The following TFEC variants were observed in gnomAD, a reference collection of about 807,000 sequenced individuals.
TFEC encodes the protein class E basic helix-loop-helix protein 34.
TFEC carries 31 observed loss-of-function variants against 41.6 expected under a neutral mutation model. The ratio of observed to expected loss-of-function variants is 0.74; its 90% confidence interval spans 0.56 to 1.01. TFEC has a LOEUF of 1.01. Among genes scored for constraint, TFEC ranks in the 50% least tolerant of loss-of-function variants. The pLI is 0.00. For synonymous variants in TFEC, 143 were observed against 140.6 expected, an observed-to-expected ratio of 1.02 and a Z score of -0.12; for missense variants, 402 against 404.1, an observed-to-expected ratio of 0.99 and a Z score of 0.04.
intron 1 of TFEC, among the ~76,000 whole-genome samples, chr7:116,027,851 T>A (rs1795644198): frequency 1.3e-5 from 2 of 152,200 alleles, no homozygotes; most frequent in African/African-American, 4.8e-5. Context: ...AAACTCCACC[T>A]CTACGTCCTA....
intron 3 of TFEC, among the ~76,000 whole-genome samples, chr7:116,041,615 T>C (rs1233753740): frequency 1.3e-5 from 2 of 152,186 alleles, no homozygotes; most frequent in Non-Finnish European, 2.9e-5. Context: ...CTGTGGCAAG[T>C]AATGGTGTGC....
chr7:115,985,034 A>AT (rs1337989327), intron 1 of TFEC, among the ~76,000 whole-genome samples: 11 of 152,048 alleles, frequency 7.2e-5, no homozygotes, highest in Middle Eastern at 3.4e-3. Context: ...AATCTAGATG[A>AT]TTTTTTTCTA....
chr7:116,070,904 A>G (rs1192655101), intron 3 of TFEC, among the ~76,000 whole-genome samples: 1 of 151,438 alleles, frequency 6.6e-6, no homozygotes, highest in Non-Finnish European at 1.5e-5. Context: ...ACAGAAAGAA[A>G]AATAAGGACC....
intron 1 of TFEC, among the ~76,000 whole-genome samples, chr7:116,149,149 T>G (rs1798706887): frequency 6.6e-6 from 1 of 151,928 alleles, no homozygotes; most frequent in Non-Finnish European, 1.5e-5. Flanking sequence ...AGAGCTGAAC[T>G]CAGTAAAAAA....
chr7:116,080,831 C>T (rs1217356434), intron 3 of TFEC, among the ~76,000 whole-genome samples: 1 of 152,064 alleles, frequency 6.6e-6, no homozygotes, highest in Non-Finnish European at 1.5e-5. Flanking sequence ...AGCAATCCTA[C>T]TGCTAGGTAT....
At chr7:116,029,154 T>C (rs1795695101) in intron 1 of TFEC, among the ~76,000 whole-genome samples, 1 of 152,070 alleles carries the variant, frequency 6.6e-6, no homozygotes, top group Admixed American at 6.6e-5. Flanking sequence ...TTCTACTGTT[T>C]TGGAATAAAA....
upstream of TFEC, chr7:116,030,807 G>A (rs1795762634): frequency 1.0e-6 from 1 of 985,312 alleles, no homozygotes. Flanking sequence ...AAAGAGAAAA[G>A]AGAAGTGGCT....
At chr7:116,052,171 C>T (rs61127416) in intron 3 of TFEC, among the ~76,000 whole-genome samples, 1,900 of 151,566 alleles carry the variant, frequency 0.013, 44 homozygotes, top group African/African-American at 0.044. Context: ...CAAGGGGAGC[C>T]TGAGGATATG....
At chr7:116,115,952 G>A (rs1185587957) in intron 1 of TFEC, among the ~76,000 whole-genome samples, 1 of 151,944 alleles carries the variant, frequency 6.6e-6, no homozygotes, top group African/African-American at 2.4e-5. Flanking sequence ...TGAGAAAGCT[G>A]AAGTACAGAA....
At chr7:116,100,442 C>A (rs1302158212) in intron 3 of TFEC, among the ~76,000 whole-genome samples, 1 of 152,114 alleles carries the variant, frequency 6.6e-6, no homozygotes, top group African/African-American at 2.4e-5. Flanking sequence ...TTTTCAGCAT[C>A]TTAACTGCAA....
chr7:116,125,090 A>C (rs1253826048), intron 1 of TFEC, among the ~76,000 whole-genome samples: 1 of 152,232 alleles, frequency 6.6e-6, no homozygotes, highest in African/African-American at 2.4e-5. Context: ...AGTACAAAGT[A>C]AATCCATTAC....
intron 1 of TFEC, among the ~76,000 whole-genome samples, chr7:116,126,751 G>C (rs1242432263): frequency 6.6e-6 from 1 of 152,036 alleles, no homozygotes; most frequent in Non-Finnish European, 1.5e-5. Context: ...ATATACCCCA[G>C]TCAATTGAGG....
At chr7:115,973,968 G>C (rs543181758) in intron 3 of TFEC, among the ~76,000 whole-genome samples, 1 of 152,118 alleles carries the variant, frequency 6.6e-6, no homozygotes, top group South Asian at 2.1e-4. Context: ...GAGAGACAGA[G>C]AGAGAGATTA....
chr7:116,008,367 A>T (rs1216504356), intron 1 of TFEC, among the ~76,000 whole-genome samples: 1 of 152,162 alleles, frequency 6.6e-6, no homozygotes, highest in Non-Finnish European at 1.5e-5. Context: ...AAATACATAC[A>T]CACATGCATG....
intron 1 of TFEC, among the ~76,000 whole-genome samples, chr7:116,136,471 A>G (rs1395975882): frequency 6.6e-6 from 1 of 151,956 alleles, no homozygotes; most frequent in Admixed American, 6.6e-5. Flanking sequence ...TAATAAATAG[A>G]TTCTTTCTTC....
chr7:115,961,875 T>C (rs1792573278), intron 3 of TFEC, among the ~76,000 whole-genome samples: 1 of 151,704 alleles, frequency 6.6e-6, no homozygotes, highest in African/African-American at 2.4e-5. Context: ...TGAAATGATC[T>C]CTGCTAACTG....
chr7:116,036,668 G>A (rs1165593527), intron 3 of TFEC, among the ~76,000 whole-genome samples: 2 of 151,856 alleles, frequency 1.3e-5, no homozygotes, highest in African/African-American at 4.8e-5. Context: ...GGTATACAAA[G>A]CTAAACACTC....
chr7:116,085,889 T>A (rs141864923), intron 3 of TFEC, among the ~76,000 whole-genome samples: 8 of 152,020 alleles, frequency 5.3e-5, no homozygotes, highest in African/African-American at 1.9e-4. Context: ...GATTCCAAAG[T>A]TATTAAATGT....
chr7:115,967,222 T>C (rs1390962415), intron 3 of TFEC, among the ~76,000 whole-genome samples: 1 of 151,706 alleles, frequency 6.6e-6, no homozygotes, highest in South Asian at 2.1e-4. Context: ...ATACCTTATA[T>C]ATATGTGTCT....
Sources: allele counts gnomAD v4.1 joint callset (sites outside exome capture counted in the v4.1 genomes callset), GRCh38; gene constraint gnomAD v4.1.1; transcripts MANE v1.5; gene names NCBI Gene and HGNC (gene_info 2026-07-23, HGNC 2026-07-21).